The following GRAMD1C variants were observed in gnomAD, a reference collection of about 807,000 sequenced individuals.
GRAMD1C encodes GRAM domain containing 1C, also known as protein Aster-C.
In GRAMD1C, 89 loss-of-function variants were observed where a neutral mutation model predicts 97.8. That is an observed-to-expected ratio of 0.91 (90% CI 0.77 to 1.09). The LOEUF is 1.09. Among genes scored for constraint, GRAMD1C ranks in the 50% least tolerant of loss-of-function variants. GRAMD1C has a pLI of 0.00. For missense variants in GRAMD1C, 740 were observed against 766.4 expected, an observed-to-expected ratio of 0.97 and a Z score of 0.41; for synonymous variants, 256 against 267.0, an observed-to-expected ratio of 0.96 and a Z score of 0.40.
chr3:113,904,319 C>A, intron 8 of GRAMD1C, 47 bp downstream of exon 8: 1 of 1,254,190 alleles, frequency 8.0e-7, no homozygotes, highest in Non-Finnish European at 1.2e-6. Flanking sequence ...ACTGTCATGT[C>A]CTAATCAGAA....
At chr3:113,898,023 A>G (rs568327596) in intron 6 of GRAMD1C, among the ~76,000 whole-genome samples, 1 of 152,300 alleles carries the variant, frequency 6.6e-6, no homozygotes, top group Admixed American at 6.5e-5. Flanking sequence ...TGGCAAATCT[A>G]CAAGATGGTG....
chr3:113,886,044 C>T, intron 6 of GRAMD1C: 2 of 1,101,472 alleles, frequency 1.8e-6, no homozygotes, highest in Non-Finnish European at 2.5e-6. Flanking sequence ...GCTAATCCCC[C>T]TCCACTTGGG....
At chr3:113,930,939 G>GA (rs1408415139) in intron 11 of GRAMD1C, 107 bp downstream of exon 11, 5 of 615,376 alleles carry the variant, frequency 8.1e-6, no homozygotes, top group Non-Finnish European at 1.2e-5. Context: ...CAAGTGGCAA[G>GA]AAAAAAGGGA....
At chr3:113,890,738 C>T in intron 6 of GRAMD1C, 1 of 700,458 alleles carries the variant, frequency 1.4e-6, no homozygotes, top group Non-Finnish European at 2.6e-6. Flanking sequence ...TCCAATGTCA[C>T]ATTTGTGCTT....
chr3:113,945,400 G>A lies in GRAMD1C; in HGVS notation c.1911G>A (p.Leu637=). 1 of 1,564,272 alleles carries A rather than the reference G, an allele frequency of 6.4e-7. No individual in the cohort carries two copies. Among genetic ancestry groups the A allele is most frequent in the Non-Finnish European group, 8.8e-7 (1 of 1,138,962 alleles). ...TTGAAAATTAACTTTGTTTACAGCT[G>A]AAGAGCTCACTCATTATGCTTCAGA... ...LRDSIVMLEQ[L]KSSLIMLQKT... The change falls in exon 18 of 18, where the codon CTG becomes CTA. Residue 637 remains leucine (L), a splice_region_variant and synonymous_variant. Transcript: ENST00000358160.
intron 2 of GRAMD1C, among the ~76,000 whole-genome samples, chr3:113,847,587 C>A (rs1299316372): frequency 6.6e-6 from 1 of 152,220 alleles, no homozygotes; most frequent in Non-Finnish European, 1.5e-5. Context: ...TCTACCACAA[C>A]TCTAGCATGT....
chr3:113,862,669 A>C (rs896829232), intron 2 of GRAMD1C, among the ~76,000 whole-genome samples: 3 of 152,232 alleles, frequency 2.0e-5, no homozygotes, highest in South Asian at 4.1e-4. Context: ...AAAGACAGGC[A>C]TAGGAAATCA....
intron 8 of GRAMD1C, 36 bp downstream of exon 8, chr3:113,904,308 T>G: frequency 7.3e-7 from 1 of 1,364,044 alleles, no homozygotes. Flanking sequence ...ATATATCTGG[T>G]ACTGTCATGT....
chr3:113,889,741 T>C (rs1265050369), intron 6 of GRAMD1C, among the ~76,000 whole-genome samples: 1 of 151,976 alleles, frequency 6.6e-6, no homozygotes, highest in Non-Finnish European at 1.5e-5. Flanking sequence ...TAGGTTCAAG[T>C]GATTCTCCTG....
At chr3:113,887,467 G>C (rs1218323359) in intron 6 of GRAMD1C, among the ~76,000 whole-genome samples, 2 of 151,916 alleles carry the variant, frequency 1.3e-5, no homozygotes, top group African/African-American at 4.8e-5. Context: ...TTGGGAGGCC[G>C]AGGTGGGTGG....
chr3:113,846,440 G>C (rs545693524), intron 2 of GRAMD1C, among the ~76,000 whole-genome samples: 5 of 152,250 alleles, frequency 3.3e-5, no homozygotes, highest in Middle Eastern at 3.4e-3. Flanking sequence ...TTATGTTTTA[G>C]ATTGGGGAAC....
chr3:113,848,766 A>G (rs1022345136), intron 2 of GRAMD1C, among the ~76,000 whole-genome samples: 2 of 152,168 alleles, frequency 1.3e-5, no homozygotes, highest in African/African-American at 4.8e-5. Context: ...TGATCATGCC[A>G]CTGCATTCCA....
intron 17 of GRAMD1C, among the ~76,000 whole-genome samples, chr3:113,941,561 T>A (rs1433923579): frequency 6.6e-6 from 1 of 152,180 alleles, no homozygotes; most frequent in Non-Finnish European, 1.5e-5. Flanking sequence ...CGCTAACAAA[T>A]TTTCAGTTTC....
rs776640894 is a variant in GRAMD1C at position 113,915,740 on chromosome 3, T to G, written c.992T>G (p.Ile331Ser). 1 of 1,610,110 alleles carries G rather than the reference T, an allele frequency of 6.2e-7. No homozygotes were observed. The highest frequency in any genetic ancestry group is 1.1e-5 in the South Asian group (1 of 90,830). The change falls in exon 10 of 18, where the codon ATC becomes AGC. Residue 331 changes from isoleucine (I) to serine (S), a missense_variant. Transcript: ENST00000358160. ...PEKDLHGRLF[I>S]NRIFHISADR... is the part of the protein sequence containing the mutation. Reference sequence around the variant, plus strand: ...AAAGATCTTCATGGAAGACTTTTTATCAACCGTATTTTTCATATCAGTGCT... The same window carrying G: ...AAAGATCTTCATGGAAGACTTTTTAGCAACCGTATTTTTCATATCAGTGCT...
rs144915670 is a variant in GRAMD1C at position 113,848,287 on chromosome 3, C to T, written c.174+3638C>T. Among the ~76,000 whole-genome samples the T allele has an allele frequency of 1.4e-3, 216 of 152,268 alleles. 5 individuals are homozygous for T. The East Asian group carries it at 0.036, about 25-fold the overall frequency. The stretch of plus-strand genomic sequence containing the variant: ...TCACCTATAAAATTAGAGATTGGGT[C>T]ATGGTATTACAACACTGGTCTGTCT... On this transcript the variant is annotated intron_variant, in intron 2 of 17. Coordinates refer to ENST00000358160, the MANE Select transcript of GRAMD1C (RefSeq NM_017577.5).
chr3:113,862,096 G>A (rs1934399082), intron 2 of GRAMD1C, among the ~76,000 whole-genome samples: 2 of 152,138 alleles, frequency 1.3e-5, no homozygotes, highest in Admixed American at 1.3e-4. Context: ...GAGATCACAG[G>A]ACCACAGGAC....
chr3:113,840,742 A>G (rs1292543328), intron 1 of GRAMD1C, among the ~76,000 whole-genome samples: 2 of 152,128 alleles, frequency 1.3e-5, no homozygotes, highest in African/African-American at 4.8e-5. Flanking sequence ...GGTGACAGAG[A>G]CCAAATTATT....
At chr3:113,919,276 A>G in intron 10 of GRAMD1C, 1 of 449,384 alleles carries the variant, frequency 2.2e-6, no homozygotes, top group Non-Finnish European at 4.4e-6. Flanking sequence ...TATGTCTTTA[A>G]TGATGGAGAA....
At chr3:113,833,120 C>CTTT (rs200062835) in intron 1 of GRAMD1C, among the ~76,000 whole-genome samples, 29 of 129,446 alleles carry the variant, frequency 2.2e-4, no homozygotes, top group East Asian at 8.8e-4. Context: ...TTCTTTCTTT[C>CTTT]TTTTTTTTTT....
Sources: allele counts gnomAD v4.1 joint callset (sites outside exome capture counted in the v4.1 genomes callset), GRCh38; gene constraint gnomAD v4.1.1; transcripts MANE v1.5; gene names NCBI Gene and HGNC (gene_info 2026-07-23, HGNC 2026-07-21).